Variants in FHOD3 observed in about 807,000 individuals in gnomAD.
The protein encoded by FHOD3 is formin homology 2 domain containing 3, also known as FH1/FH2 domain-containing protein 3.
A neutral mutation model predicts 173.0 loss-of-function variants in FHOD3; 90 were observed. That is an observed-to-expected ratio of 0.52 (90% confidence interval 0.44 to 0.62). The LOEUF is 0.62. Among genes scored for constraint, FHOD3 ranks in the 20% least tolerant of loss-of-function variants. FHOD3 has a pLI of 0.00. For missense variants in FHOD3, 1,945 were observed against 2,034.7 expected (o/e 0.96, Z 0.85); for synonymous variants, 828 against 823.0 (o/e 1.01, Z -0.10).
At chr18:36,318,014 T>C (rs550487476) in intron 1 of FHOD3, among the ~76,000 whole-genome samples, 20 of 152,370 alleles carry the variant, frequency 1.3e-4, no homozygotes, top group African/African-American at 4.8e-4. Context: ...TTTTGTCAGG[T>C]TTGTCAAAGA....
intron 3 of FHOD3, among the ~76,000 whole-genome samples, chr18:36,483,003 A>G (rs2054011753): frequency 1.3e-5 from 2 of 152,132 alleles, no homozygotes; most frequent in Non-Finnish European, 2.9e-5. Context: ...AGCCAGACCC[A>G]TGCCTGTGTG....
At chr18:36,378,332 C>T (rs1342075665) in intron 3 of FHOD3, among the ~76,000 whole-genome samples, 1 of 152,114 alleles carries the variant, frequency 6.6e-6, no homozygotes, top group Non-Finnish European at 1.5e-5. Context: ...GTTCTGTTTT[C>T]TAGGTAAGAA....
chr18:36,374,331 A>G (rs1296189805), intron 3 of FHOD3, among the ~76,000 whole-genome samples: 1 of 152,214 alleles, frequency 6.6e-6, no homozygotes, highest in Non-Finnish European at 1.5e-5. Context: ...CTCAACCAGG[A>G]CACACATGCT....
Position 36,355,629 on chromosome 18 carries a change from T to C in FHOD3, c.256T>C (p.Phe86Leu), listed in dbSNP as rs1301813977. Reference protein sequence around the residue: ...LAEQRDELEGFQDDAGRGKKH... With the variant: ...LAEQRDELEGLQDDAGRGKKH... ...AGAGCAGCGGGATGAGTTGGAAGGC[T>C]TCCAGGATGACGCCGGGTAAGAGCA... Residue 86 changes from phenylalanine to leucine, a missense_variant, in exon 2 of 29, where the codon TTC (phenylalanine) becomes CTC (leucine). Physicochemically the swap from Phe to Leu is conservative, Grantham distance 22. Coordinates refer to ENST00000590592, the MANE Select transcript of FHOD3 (RefSeq NM_001281740.3). 4 of 1,614,052 alleles carry C rather than the reference T, an allele frequency of 2.5e-6. No individual in the cohort carries two copies. Among genetic ancestry groups the C allele is most frequent in the Non-Finnish European group, 3.4e-6 (4 of 1,179,944 alleles).
chr18:36,746,975 T>A lies in FHOD3; in HGVS notation c.4072T>A (p.Cys1358Ser). 6.2e-7 allele frequency: 1 copy of A among 1,612,432 alleles called. No homozygotes were observed. Among genetic ancestry groups the A allele is most frequent in the South Asian group, 1.1e-5 (1 of 90,614 alleles). Residue 1358 changes from cysteine to serine, a missense_variant, in exon 24 of 29, where the codon TGT becomes AGT. By Grantham distance (112) the Cys-to-Ser change is moderately radical. Around this residue, in one of 5 missense-constraint regions of FHOD3, gnomAD observed 354 missense variants for 359.9 expected, o/e 0.98. Coordinates refer to ENST00000590592, the MANE Select transcript of FHOD3 (RefSeq NM_001281740.3). ...VDFDQLQDNL[C>S]QMERRCKASW... The stretch of plus-strand genomic sequence containing the variant: ...CTTTGATCAACTTCAGGATAATTTA[T>A]GTCAGATGGAGAGAAGATGCAAAGC...
rs78303885 is a variant in FHOD3, at chr18:36,684,755, C to T, written c.1971-2373C>T. ...TCAAAATGTCTAGCATTCGTGTCAT[C>T]GGAGTCCCAGAAGTATAGGAGAATA... On this transcript the variant is annotated intron_variant, in intron 15 of 28. Transcript: ENST00000590592. 9.7e-3 allele frequency among the ~76,000 whole-genome samples: 1,483 copies of T among 152,236 alleles called. 16 individuals are homozygous for T. The highest frequency in any genetic ancestry group is 0.034 in the African/African-American group (1,404 of 41,558).
intron 3 of FHOD3, among the ~76,000 whole-genome samples, chr18:36,493,898 C>T (rs142097844): frequency 1.6e-4 from 24 of 152,266 alleles, no homozygotes; most frequent in East Asian, 3.9e-4. Context: ...CGGGGAGCTT[C>T]GTTAATGTAT....
Position 36,653,419 on chromosome 18 carries a change from G to A in FHOD3, c.1721+3G>A. The A allele has an allele frequency of 6.6e-7, 1 of 1,524,018 alleles. No individual in the cohort carries two copies. Among genetic ancestry groups the A allele is most frequent in the Non-Finnish European group, 8.8e-7 (1 of 1,137,726 alleles). The allele number at this position is 1,524,018 out of a possible 1,614,324, so 94.4% of individuals were successfully genotyped here. On this transcript the variant is annotated splice_donor_region_variant and intron_variant, in intron 13 of 28. Transcript: ENST00000590592. ...TTCCGATCTTTCTCTTCTAATAGGT[G>A]GGTGTCTTTATTTTCTTTCCCTTTT...
intron 5 of FHOD3, among the ~76,000 whole-genome samples, chr18:36,568,418 GA>G (rs1452783228): frequency 1.4e-5 from 2 of 140,638 alleles, no homozygotes; most frequent in East Asian, 4.4e-4. Flanking sequence ...ATATAATGGA[GA>G]AGGAGAAGCT....
At chr18:36,609,708 C>G (rs992707801) in intron 8 of FHOD3, among the ~76,000 whole-genome samples, 1 of 148,874 alleles carries the variant, frequency 6.7e-6, no homozygotes, top group Admixed American at 6.8e-5. Context: ...CTCCCGGGTT[C>G]AAGTGATTCT....
chr18:36,752,800 T>C (rs900349336), intron 24 of FHOD3, among the ~76,000 whole-genome samples: 11 of 152,216 alleles, frequency 7.2e-5, no homozygotes, highest in African/African-American at 2.4e-4. Flanking sequence ...GTTGTACTTA[T>C]GTATAAAATA....
intron 3 of FHOD3, among the ~76,000 whole-genome samples, chr18:36,386,626 G>A (rs1008289662): frequency 3.3e-5 from 5 of 152,134 alleles, no homozygotes; most frequent in Admixed American, 3.3e-4. Context: ...GCATTGAGAT[G>A]GTGCACAAAT....
intron 18 of FHOD3, chr18:36,711,180 A>G (rs1468401089): frequency 6.6e-6 from 1 of 152,184 alleles, no homozygotes; most frequent in East Asian, 1.9e-4. Flanking sequence ...ACTGTAGCTT[A>G]TTGGTTCCTA....
intron 26 of FHOD3, among the ~76,000 whole-genome samples, 199 bp from the exon 27 acceptor site, chr18:36,760,409 G>T (rs1021308386): frequency 6.6e-6 from 1 of 152,134 alleles, no homozygotes; most frequent in African/African-American, 2.4e-5. Context: ...GGGGCCGGGG[G>T]CTTTTCTGTC....
At position 36,718,443 on chromosome 18, in the gene FHOD3, G is replaced by A. The variant is rs141541132; in HGVS notation, c.3145G>A (p.Val1049Ile). 828 of 1,383,860 alleles carry A rather than the reference G, an allele frequency of 6.0e-4. 5 individuals carry two copies. The African/African-American group carries it at 0.012, about 19-fold the overall frequency. 85.7% of individuals were successfully genotyped at this position (1,383,860 alleles called of 1,614,324 possible). Residue 1049 changes from valine to isoleucine, a missense_variant, in exon 19 of 29, where the codon GTC becomes ATC. Physicochemically the swap from Val to Ile is conservative, Grantham distance 29. Transcript: ENST00000590592. ...PLLDSIPPPP[V>I]PGNLLVPPPP... ...GTTGGACAGCATTCCTCCCCCTCCT[G>A]TCCCTGGTAATTTATTGGTTCCTCC...
Position 36,742,812 on chromosome 18 carries a change from C to T in FHOD3, c.3835C>T (p.Leu1279=), listed in dbSNP as rs182539526. Residue 1279 remains leucine, a synonymous_variant, in exon 22 of 29, where the codon CTG becomes TTG. Transcript: ENST00000590592. ...LENNKTLGFI[L]STLLAIGNFL... is the part of the protein sequence containing the mutation. Reference sequence around the variant, plus strand: ...GAACAATAAAACCTTGGGCTTTATCCTGTCTACTCTCTTAGCCATTGGGAA... The same window carrying T: ...GAACAATAAAACCTTGGGCTTTATCTTGTCTACTCTCTTAGCCATTGGGAA... The T allele has an allele frequency of 6.2e-7, 1 of 1,614,024 alleles. No homozygotes were observed. Among genetic ancestry groups the T allele is most frequent in the African/African-American group, 1.3e-5 (1 of 75,030 alleles).
At chr18:36,746,063 G>A (rs958354425) in intron 23 of FHOD3, among the ~76,000 whole-genome samples, 1 of 151,494 alleles carries the variant, frequency 6.6e-6, no homozygotes, top group Admixed American at 6.6e-5. Context: ...TTTTTTTCAT[G>A]ACTAAAAATC....
intron 3 of FHOD3, among the ~76,000 whole-genome samples, chr18:36,448,732 A>T (rs910911922): frequency 1.6e-5 from 1 of 60,922 alleles, no homozygotes; most frequent in Non-Finnish European, 2.7e-5. Context: ...ACAACTCAGG[A>T]TGGGAGCCTG....
chr18:36,458,763 A>G (rs1307052323), intron 3 of FHOD3, among the ~76,000 whole-genome samples: 1 of 142,220 alleles, frequency 7.0e-6, no homozygotes, highest in Non-Finnish European at 1.5e-5. Context: ...TGGCCAAGCT[A>G]GCTTTCATGA....
Sources: allele counts gnomAD v4.1 joint callset (sites outside exome capture counted in the v4.1 genomes callset), GRCh38; gene constraint gnomAD v4.1.1; regional missense constraint gnomAD v4.1.1; transcripts MANE v1.5; gene names NCBI Gene and HGNC (gene_info 2026-07-23, HGNC 2026-07-21).